The following DCP2 variants were observed in gnomAD, a reference collection of about 807,000 sequenced individuals.
DCP2 encodes the protein m7GpppN-mRNA hydrolase.
DCP2 carries 30 observed loss-of-function variants against 56.1 expected under a neutral mutation model. The observed-to-expected ratio is 0.53, with a 90% CI of 0.40 to 0.73. The LOEUF (loss-of-function observed/expected upper bound fraction) is 0.73, where lower values mean the gene tolerates loss of function less well. Among genes scored for constraint, DCP2 ranks in the 30% least tolerant of loss-of-function variants. DCP2 has a pLI of 0.00. For missense variants in DCP2, 533 were observed against 502.7 expected (o/e 1.06, Z -0.58); for synonymous variants, 197 against 163.3 (o/e 1.21, Z -1.57).
intron 2 of DCP2, among the ~76,000 whole-genome samples, chr5:112,990,740 C>G (rs546716211): frequency 7.9e-5 from 12 of 152,288 alleles, no homozygotes; most frequent in Non-Finnish European, 1.3e-4. Context: ...CCACACCTGG[C>G]CAAATTACAG....
chr5:112,976,808 T>C lies in DCP2; in HGVS notation c.-126T>C, dbSNP rs1214533662. The C allele has an allele frequency of 2.1e-6, 2 of 939,802 alleles. No homozygotes were observed. The highest frequency in any genetic ancestry group is 2.4e-5 in the East Asian group (1 of 41,828). 58.2% of individuals were successfully genotyped at this position (939,802 alleles called of 1,614,324 possible). A position where few individuals can be genotyped will look rare whatever the true frequency, so the allele number is the denominator to read the frequency against. On this transcript the variant is annotated 5_prime_UTR_variant, in exon 1 of 11. Coordinates refer to ENST00000389063, the MANE Select transcript of DCP2 (RefSeq NM_152624.6). ...CCGCCCCTTCCCCTTCTCGTCTCCG[T>C]TGGAGTCGTCTCTGCCGCGGCTTCC...
chr5:113,008,852 T>C (rs1179489735), intron 9 of DCP2, among the ~76,000 whole-genome samples: 1 of 151,762 alleles, frequency 6.6e-6, no homozygotes, highest in East Asian at 1.9e-4. Flanking sequence ...CAGATAACTT[T>C]TTTTTTTTTT....
At chr5:112,979,185 A>G (rs1747880182) in intron 1 of DCP2, among the ~76,000 whole-genome samples, 1 of 152,122 alleles carries the variant, frequency 6.6e-6, no homozygotes, top group Non-Finnish European at 1.5e-5. Context: ...CTTTCAAGAA[A>G]TTTCTTTTTG....
At chr5:112,996,407 CTT>C (rs1214516210) in intron 4 of DCP2, among the ~76,000 whole-genome samples, 1 of 151,586 alleles carries the variant, frequency 6.6e-6, no homozygotes, top group Non-Finnish European at 1.5e-5. Context: ...GTTTTGAGCA[CTT>C]TTTTTTTCTT....
intron 1 of DCP2, among the ~76,000 whole-genome samples, chr5:112,982,337 G>A (rs1278178012): frequency 6.6e-6 from 1 of 152,060 alleles, no homozygotes; most frequent in Admixed American, 6.5e-5. Flanking sequence ...TGGACTCGTT[G>A]CTCCTCAGAC....
Position 112,993,624 on chromosome 5 carries a change from CA to C in DCP2, c.432+869del, listed in dbSNP as rs769397326. On this transcript the variant is annotated intron_variant, in intron 4 of 10. Coordinates refer to ENST00000389063, the MANE Select transcript of DCP2 (RefSeq NM_152624.6). ...GGGCAACAAGAGTGAAACACTATCT[CA>C]AAAAAAAAAAAAAACCAAAAAAAAA... Among the ~76,000 whole-genome samples, 110 of 63,926 alleles carry C rather than the reference CA, an allele frequency of 1.7e-3. 1 individual carries two copies. The highest frequency in any genetic ancestry group is 9.3e-3 in the Middle Eastern group (1 of 108). The allele number at this position is 63,926 out of a possible 152,430, so 41.9% of individuals were successfully genotyped here.
intron 1 of DCP2, among the ~76,000 whole-genome samples, chr5:112,981,855 G>C (rs1306122182): frequency 2.0e-5 from 3 of 152,154 alleles, no homozygotes; most frequent in Middle Eastern, 3.4e-3. Context: ...ACTGCAACCC[G>C]TGTCTCCTGG....
intron 4 of DCP2, 81 bp downstream of exon 4, chr5:112,992,851 C>A: frequency 9.6e-7 from 1 of 1,041,422 alleles, no homozygotes; most frequent in Non-Finnish European, 1.3e-6. Context: ...AGACTTACTT[C>A]TTTGGACTGT....
intron 2 of DCP2, among the ~76,000 whole-genome samples, chr5:112,988,034 C>G (rs1263381357): frequency 6.6e-6 from 1 of 152,112 alleles, no homozygotes; most frequent in African/African-American, 2.4e-5. Context: ...TACCCTCATT[C>G]TCAGCTACCT....
chr5:112,978,781 C>A (rs1034218081), intron 1 of DCP2, among the ~76,000 whole-genome samples: 28 of 151,418 alleles, frequency 1.8e-4, no homozygotes, highest in African/African-American at 6.6e-4. Context: ...AGATTGTGAT[C>A]TTTATTTTTT....
rs770864919 is a variant in DCP2 at position 113,013,479 on chromosome 5, C to T, written c.1258C>T (p.Leu420Phe). The T allele has an allele frequency of 1.2e-6, 2 of 1,613,896 alleles. No homozygotes were observed. The highest frequency in any genetic ancestry group is 1.7e-6 in the Non-Finnish European group (2 of 1,179,910). ...TAATGCTATAATGAAAATCTTGGACCTTTGATAGCAGCACATGTATTGTAA... is the reference window on the plus strand; with the variant it reads ...TAATGCTATAATGAAAATCTTGGACTTTTGATAGCAGCACATGTATTGTAA... Reference protein sequence around the residue: ...DHNAIMKILDL With the variant: ...DHNAIMKILDF Residue 420 changes from leucine (L) to phenylalanine (F), a missense_variant, in exon 11 of 11, where the codon CTT becomes TTT. Physicochemically the swap from Leu to Phe is conservative, Grantham distance 22. This residue lies in a region of DCP2 where 392 missense variants were observed against 346.6 expected (regional missense o/e 1.13). Transcript: ENST00000389063.
intron 1 of DCP2, among the ~76,000 whole-genome samples, chr5:112,985,457 TTATG>T (rs1206556537): frequency 1.3e-5 from 2 of 152,344 alleles, no homozygotes; most frequent in South Asian, 2.1e-4. Flanking sequence ...TATGTGAAGA[TTATG>T]TAATAGCAAA....
chr5:112,984,701 A>ATATATATATATATATATATATATAT (rs1181496332), intron 1 of DCP2: 45 of 79,486 alleles, frequency 5.7e-4, no homozygotes, highest in African/African-American at 1.3e-3. Context: ...AAAAAAAAAA[A>ATATATATATATATATATATATATAT]AAATATATAT....
At chr5:113,005,703 C>T (rs745699878) in intron 8 of DCP2, among the ~76,000 whole-genome samples, 9 of 152,076 alleles carry the variant, frequency 5.9e-5, no homozygotes, top group Non-Finnish European at 7.4e-5. Context: ...ACTTGTGTAC[C>T]AATGTTCATA....
chr5:113,010,610 G>C, intron 9 of DCP2, 146 bp from the exon 10 acceptor site: 1 of 981,300 alleles, frequency 1.0e-6, no homozygotes, highest in South Asian at 2.2e-5. Flanking sequence ...AAAAATACTG[G>C]TGAGAGAATG....
At chr5:113,000,061 C>CAAAAAAA (rs60251393) in intron 4 of DCP2, among the ~76,000 whole-genome samples, 7 of 89,912 alleles carry the variant, frequency 7.8e-5, no homozygotes, top group African/African-American at 1.3e-4. Flanking sequence ...AACTCCATCT[C>CAAAAAAA]AAAAAAAAAA....
rs1014468085 is a variant in DCP2 at position 113,021,479 on chromosome 5, A to C, written c.*7995A>C. On this transcript the variant is annotated 3_prime_UTR_variant, in exon 11 of 11. Coordinates refer to ENST00000389063, the MANE Select transcript of DCP2 (RefSeq NM_152624.6). Reference sequence around the variant, plus strand: ...CAAACAATTAAGTTTGTTGCTTTAAAGCAAGATTATAGTGTAGGGCTTGAG... The same window carrying C: ...CAAACAATTAAGTTTGTTGCTTTAACGCAAGATTATAGTGTAGGGCTTGAG... Among the ~76,000 whole-genome samples the C allele has an allele frequency of 1.3e-5, 2 of 152,084 alleles. No homozygotes were observed. The highest frequency in any genetic ancestry group is 3.8e-4 in the East Asian group (2 of 5,200).
chr5:113,007,878 T>C, intron 8 of DCP2, 60 bp from the exon 9 acceptor site: 1 of 1,448,910 alleles, frequency 6.9e-7, no homozygotes, highest in Non-Finnish European at 9.4e-7. Flanking sequence ...CATGGGGTAT[T>C]TTTTTTGTGC....
chr5:113,003,875 A>G (rs983954894), intron 7 of DCP2, 67 bp from the exon 8 acceptor site: 15 of 1,526,996 alleles, frequency 9.8e-6, no homozygotes, highest in Non-Finnish European at 1.4e-5. Flanking sequence ...AAATTTAACT[A>G]TTAAGGTGTT....
Sources: allele counts gnomAD v4.1 joint callset (sites outside exome capture counted in the v4.1 genomes callset), GRCh38; gene constraint gnomAD v4.1.1; regional missense constraint gnomAD v4.1.1; transcripts MANE v1.5; gene names NCBI Gene and HGNC (gene_info 2026-07-23, HGNC 2026-07-21).